AGBL4: variants seen among roughly 807,000 people sequenced by gnomAD.
The protein encoded by AGBL4 is AGBL carboxypeptidase 4, also known as cytosolic carboxypeptidase 6.
A neutral mutation model predicts 66.4 loss-of-function variants in AGBL4; 58 were observed. The observed-to-expected ratio is 0.87, with a 90% confidence interval of 0.71 to 1.09. AGBL4 has a LOEUF of 1.09. AGBL4 is among the 50% of genes least tolerant of loss of function. AGBL4 has a pLI of 0.00. For synonymous variants in AGBL4, 234 were observed against 222.9 expected, an observed-to-expected ratio of 1.05 and a Z score of -0.44; for missense variants, 579 against 631.0, an observed-to-expected ratio of 0.92 and a Z score of 0.88.
intron 6 of AGBL4, chr1:48,759,098 A>G: frequency 6.2e-7 from 1 of 1,611,944 alleles, no homozygotes; most frequent in Non-Finnish European, 8.5e-7. Context: ...AGCTCCTCAT[A>G]CAGAGCCCGG....
chr1:49,424,229 C>T (rs1378191167), intron 3 of AGBL4, among the ~76,000 whole-genome samples: 1 of 152,150 alleles, frequency 6.6e-6, no homozygotes, highest in Non-Finnish European at 1.5e-5. Flanking sequence ...TAGAGTCTGT[C>T]TATGCTTATG....
intron 8 of AGBL4, among the ~76,000 whole-genome samples, chr1:48,635,568 T>C (rs961126107): frequency 3.9e-5 from 6 of 152,224 alleles, no homozygotes; most frequent in Non-Finnish European, 8.8e-5. Context: ...AGTCCCCCTG[T>C]TCTGTGGATG....
intron 5 of AGBL4, among the ~76,000 whole-genome samples, chr1:48,914,615 T>C (rs1177286611): frequency 6.6e-6 from 1 of 152,226 alleles, no homozygotes. Flanking sequence ...GTTAATACTA[T>C]GTTTATAAAA....
intron 3 of AGBL4, among the ~76,000 whole-genome samples, chr1:49,521,932 C>A (rs958776449): frequency 6.6e-6 from 1 of 151,952 alleles, no homozygotes; most frequent in Non-Finnish European, 1.5e-5. Flanking sequence ...AGTGCAGGGG[C>A]AAGGGCTGGA....
intron 1 of AGBL4, among the ~76,000 whole-genome samples, chr1:49,959,032 A>G (rs1354702476): frequency 1.3e-5 from 2 of 151,574 alleles, no homozygotes; most frequent in African/African-American, 4.8e-5. Flanking sequence ...AAAAAAATAG[A>G]ATCAAAATTC....
At chr1:49,395,762 T>C (rs77461650) in intron 3 of AGBL4, among the ~76,000 whole-genome samples, 83,862 of 138,006 alleles carry the variant, frequency 0.61, 26,293 homozygotes, top group Middle Eastern at 0.69. Flanking sequence ...TATATATATA[T>C]ACACATATAT....
At chr1:49,221,416 C>G (rs1649487858) in intron 4 of AGBL4, among the ~76,000 whole-genome samples, 1 of 152,052 alleles carries the variant, frequency 6.6e-6, no homozygotes. Context: ...CAAGATAGTA[C>G]TCTCCATATT....
At chr1:49,471,504 C>T (rs1646744398) in intron 3 of AGBL4, among the ~76,000 whole-genome samples, 3 of 151,652 alleles carry the variant, frequency 2.0e-5, no homozygotes, top group East Asian at 2.0e-4. Flanking sequence ...TAATAAGACT[C>T]CTAAAGGTGG....
chr1:49,549,722 G>A (rs1003189103), intron 3 of AGBL4, among the ~76,000 whole-genome samples: 1 of 152,084 alleles, frequency 6.6e-6, no homozygotes, highest in Non-Finnish European at 1.5e-5. Context: ...CTTGGAGAAA[G>A]TTCCATGCAC....
intron 2 of AGBL4, among the ~76,000 whole-genome samples, chr1:49,743,258 T>G (rs1019575349): frequency 6.6e-6 from 1 of 152,204 alleles, no homozygotes; most frequent in Non-Finnish European, 1.5e-5. Flanking sequence ...GAACAGACAC[T>G]TCTCAAAAGA....
chr1:48,852,015 CTTT>C (rs138826187), intron 6 of AGBL4, among the ~76,000 whole-genome samples: 21,892 of 71,506 alleles, frequency 0.31, 2,169 homozygotes, highest in East Asian at 0.58. Flanking sequence ...CAGATACGTA[CTTT>C]TTTTTTTTTT....
At chr1:49,568,448 C>T (rs995742396) in intron 3 of AGBL4, among the ~76,000 whole-genome samples, 1 of 148,918 alleles carries the variant, frequency 6.7e-6, no homozygotes, top group Non-Finnish European at 1.5e-5. Context: ...AAGATCTCCC[C>T]AATGAGAACT....
chr1:49,543,475 T>C (rs1652227734), intron 3 of AGBL4, among the ~76,000 whole-genome samples: 1 of 151,984 alleles, frequency 6.6e-6, no homozygotes, highest in Non-Finnish European at 1.5e-5. Flanking sequence ...TTTTAAGTTT[T>C]GAATAAAATA....
chr1:49,656,706 G>A (rs964179519), intron 3 of AGBL4, among the ~76,000 whole-genome samples: 4 of 152,226 alleles, frequency 2.6e-5, no homozygotes, highest in East Asian at 1.9e-4. Flanking sequence ...TTCATCATAC[G>A]CAAATCAATA....
chr1:48,684,731 T>A (rs1570246396), intron 6 of AGBL4, among the ~76,000 whole-genome samples: 1 of 152,066 alleles, frequency 6.6e-6, no homozygotes, highest in Admixed American at 6.5e-5. Flanking sequence ...TTTTTCTTTA[T>A]AGAATGCCAA....
chr1:48,935,874 G>A (rs774861790), intron 5 of AGBL4, among the ~76,000 whole-genome samples: 15 of 140,708 alleles, frequency 1.1e-4, no homozygotes, highest in Admixed American at 2.3e-4. Context: ...CAGGAGAATC[G>A]CTTGAACCTG....
intron 3 of AGBL4, among the ~76,000 whole-genome samples, chr1:49,558,398 A>G (rs1643953186): frequency 6.6e-6 from 1 of 152,120 alleles, no homozygotes; most frequent in Non-Finnish European, 1.5e-5. Context: ...ACTGGAGTGC[A>G]GTGGTGCGAT....
chr1:48,700,571 C>A (rs931927071), intron 6 of AGBL4, among the ~76,000 whole-genome samples: 1 of 152,210 alleles, frequency 6.6e-6, no homozygotes, highest in Non-Finnish European at 1.5e-5. Flanking sequence ...GGTAGGAGGG[C>A]ATGTGTGGTC....
intron 3 of AGBL4, among the ~76,000 whole-genome samples, chr1:49,400,446 C>G (rs1570625227): frequency 6.6e-6 from 1 of 152,058 alleles, no homozygotes; most frequent in Admixed American, 6.6e-5. Flanking sequence ...ATAGGGATTG[C>G]ATTGAATCTG....
Sources: gnomAD v4.1 joint callset for allele counts (sites outside exome capture counted in the v4.1 genomes callset) on GRCh38, gnomAD v4.1.1 for gene constraint, MANE v1.5 for transcripts, NCBI Gene and HGNC (gene_info 2026-07-23, HGNC 2026-07-21) for gene names.